Variants in CCDC149 observed in about 807,000 individuals in gnomAD.
CCDC149 encodes the protein coiled-coil domain containing 149.
Under a neutral mutation model 59.9 loss-of-function variants are expected in CCDC149, and 45 were observed. That is an observed-to-expected ratio of 0.75 (90% CI 0.59 to 0.96). CCDC149 has a LOEUF of 0.96. Ranked by LOEUF, CCDC149 falls within the 40% of genes least tolerant of loss-of-function variation. CCDC149 has a pLI of 0.00. For missense variants in CCDC149, 584 were observed against 664.7 expected (o/e 0.88, Z 1.33); for synonymous variants, 245 against 260.6 (o/e 0.94, Z 0.58).
At chr4:24,950,189 C>T (rs1723244115) in intron 1 of CCDC149, among the ~76,000 whole-genome samples, 1 of 152,228 alleles carries the variant, frequency 6.6e-6, no homozygotes, top group Admixed American at 6.5e-5. Flanking sequence ...GTCTATATCA[C>T]AGTGAGAATG....
At chr4:24,904,621 A>G (rs1313079269) in intron 1 of CCDC149, among the ~76,000 whole-genome samples, 1 of 152,194 alleles carries the variant, frequency 6.6e-6, no homozygotes, top group Non-Finnish European at 1.5e-5. Context: ...CCTTTTCAGA[A>G]GTGACTTTAC....
At chr4:24,970,253 C>G (rs760449889) in intron 1 of CCDC149, among the ~76,000 whole-genome samples, 14 of 152,228 alleles carry the variant, frequency 9.2e-5, no homozygotes, top group Non-Finnish European at 1.6e-4. Context: ...GTGTTTCCAG[C>G]TGTTGGATCT....
intron 1 of CCDC149, among the ~76,000 whole-genome samples, chr4:24,943,817 C>T (rs561901258): frequency 3.3e-5 from 5 of 152,346 alleles, no homozygotes; most frequent in African/African-American, 1.2e-4. Context: ...AAACAATGCT[C>T]ATCATCACTG....
chr4:24,851,974 G>C (rs1414627294), intron 4 of CCDC149, among the ~76,000 whole-genome samples: 1 of 151,618 alleles, frequency 6.6e-6, no homozygotes, highest in East Asian at 1.9e-4. Flanking sequence ...TTAAATCCAA[G>C]AGGTTAAAAA....
rs566789734 is a variant in CCDC149, at chr4:24,860,457, G to A, written c.265-7278C>T. Among the ~76,000 whole-genome samples the A allele has an allele frequency of 2.0e-5, 3 of 152,272 alleles. No homozygotes were observed. In the South Asian group the frequency reaches 6.2e-4, roughly 32 times the overall value. ...CAAAAGCCAACTCAAGATGGATGAA[G>A]GACTTAAATCTAAGACCTGAAACCA... On this transcript the variant is annotated intron_variant, in intron 3 of 12. Transcript: ENST00000635206.
At chr4:24,893,611 G>C (rs1720653585) in intron 1 of CCDC149, among the ~76,000 whole-genome samples, 2 of 12,496 alleles carry the variant, frequency 1.6e-4, no homozygotes, top group African/African-American at 2.0e-4. Flanking sequence ...CTAAAATACA[G>C]ACTTTTTTTT....
intron 1 of CCDC149, among the ~76,000 whole-genome samples, chr4:24,924,066 G>A (rs754681474): frequency 3.2e-4 from 48 of 152,162 alleles, no homozygotes; most frequent in Non-Finnish European, 2.9e-5. Flanking sequence ...AGTAGCATAT[G>A]TCACTTCCAC....
chr4:24,938,181 T>C (rs897998240), intron 1 of CCDC149, among the ~76,000 whole-genome samples: 5 of 152,166 alleles, frequency 3.3e-5, no homozygotes, highest in African/African-American at 1.2e-4. Flanking sequence ...TGAATCTGTG[T>C]CATGCATCAA....
At chr4:24,888,164 C>G (rs1296568009) in intron 1 of CCDC149, among the ~76,000 whole-genome samples, 1 of 152,162 alleles carries the variant, frequency 6.6e-6, no homozygotes, top group Non-Finnish European at 1.5e-5. Context: ...CAGGGCCCAT[C>G]TTATTCATCT....
chr4:24,824,099 G>T (rs1035849743), intron 9 of CCDC149, among the ~76,000 whole-genome samples: 1 of 152,182 alleles, frequency 6.6e-6, no homozygotes, highest in African/African-American at 2.4e-5. Context: ...AAAAGATAAG[G>T]CTTAACTCTT....
rs537226279 is a variant in CCDC149 at position 24,895,039 on chromosome 4, C to T, written c.63+17778G>A. On this transcript the variant is annotated intron_variant, in intron 1 of 12. Coordinates refer to ENST00000635206, the MANE Select transcript of CCDC149 (RefSeq NM_001330643.2). Reference sequence around the variant, plus strand: ...CTGGCGATGATGATGATGATGACGACGACGATGACGACCATGATGGTGATG... The same window carrying T: ...CTGGCGATGATGATGATGATGACGATGACGATGACGACCATGATGGTGATG... The T allele has an allele frequency of 1.4e-4, 219 of 1,531,746 alleles. No homozygotes were observed. In the African/African-American group the frequency reaches 1.7e-3, roughly 12 times the overall value. 94.9% of individuals were successfully genotyped at this position (1,531,746 alleles called of 1,614,324 possible).
chr4:24,890,997 G>C (rs1455125736), intron 1 of CCDC149, among the ~76,000 whole-genome samples: 3 of 152,250 alleles, frequency 2.0e-5, no homozygotes, highest in South Asian at 2.1e-4. Flanking sequence ...TCCGCCTGCA[G>C]CATGCAGGCC....
chr4:24,838,104 G>T, intron 5 of CCDC149, 52 bp downstream of exon 5: 1 of 1,352,066 alleles, frequency 7.4e-7, no homozygotes, highest in African/African-American at 1.4e-5. Flanking sequence ...TGTTTGTGTT[G>T]TGTCCAGCTG....
chr4:24,883,441 A>C (rs1374801300), intron 1 of CCDC149, among the ~76,000 whole-genome samples: 1 of 149,634 alleles, frequency 6.7e-6, no homozygotes, highest in African/African-American at 2.5e-5. Context: ...TACTTGGTGA[A>C]AGGAACGAAG....
At chr4:24,891,424 T>C (rs1470015766) in intron 1 of CCDC149, among the ~76,000 whole-genome samples, 1 of 152,166 alleles carries the variant, frequency 6.6e-6, no homozygotes. Flanking sequence ...TCTGGGAAAA[T>C]GGCAAAATCT....
chr4:24,822,459 A>C, intron 10 of CCDC149, 38 bp downstream of exon 10: 2 of 1,398,248 alleles, frequency 1.4e-6, no homozygotes, highest in Non-Finnish European at 1.9e-6. Flanking sequence ...AAAAAGAAAA[A>C]AAAAAAAGGA....
chr4:24,958,270 T>C (rs1467409495), intron 1 of CCDC149, among the ~76,000 whole-genome samples: 1 of 152,186 alleles, frequency 6.6e-6, no homozygotes, highest in Non-Finnish European at 1.5e-5. Context: ...AAATTGATTA[T>C]ACCAGAAGAC....
intron 1 of CCDC149, among the ~76,000 whole-genome samples, chr4:24,925,429 C>A (rs1034511672): frequency 6.6e-6 from 1 of 152,140 alleles, no homozygotes; most frequent in Non-Finnish European, 1.5e-5. Context: ...CAAAAGAATT[C>A]TTTTCATCTC....
intron 1 of CCDC149, 102 bp downstream of exon 1, chr4:24,912,715 C>T: frequency 1.2e-6 from 1 of 806,260 alleles, no homozygotes; most frequent in Non-Finnish European, 1.6e-6. Flanking sequence ...GAGTGCGCGC[C>T]CCCCTCTCGT....
Sources: allele counts gnomAD v4.1 joint callset (sites outside exome capture counted in the v4.1 genomes callset), GRCh38; gene constraint gnomAD v4.1.1; transcripts MANE v1.5; gene names NCBI Gene and HGNC (gene_info 2026-07-23, HGNC 2026-07-21).